Variants in ARHGAP32 observed in about 807,000 individuals in gnomAD.
The protein encoded by ARHGAP32 is Rho GTPase activating protein 32.
Under a neutral mutation model 186.5 loss-of-function variants are expected in ARHGAP32, and 51 were observed. That is an observed-to-expected ratio of 0.27 (90% CI 0.22 to 0.35). The LOEUF is 0.35. Among genes scored for constraint, ARHGAP32 ranks in the 10% least tolerant of loss-of-function variants. The probability of loss-of-function intolerance (pLI) is 1.00; values close to 1 mark genes in which losing one functional copy is unlikely to be tolerated. For missense variants in ARHGAP32, 2,186 were observed against 2,623.5 expected (o/e 0.83, Z 3.64); for synonymous variants, 950 against 964.3 (o/e 0.99, Z 0.27).
At position 128,966,985 on chromosome 11, in the gene ARHGAP32, C is replaced by G. The variant is rs978401061; in HGVS notation, c.*1922G>C. 1 of 152,206 alleles carries G rather than the reference C, an allele frequency of 6.6e-6. No individual in the cohort carries two copies. The highest frequency in any genetic ancestry group is 1.5e-5 in the Non-Finnish European group (1 of 68,044). The allele number at this position is 152,206 out of a possible 1,614,324, so 9.4% of individuals were successfully genotyped here. On this transcript the variant is annotated 3_prime_UTR_variant, in exon 23 of 23. Transcript: ENST00000682385. ...GTTTCCTAGCACTTTGACTGTAAAA[C>G]AGTTGGTTCTGCACTTTTAATGTAG...
upstream of ARHGAP32, among the ~76,000 whole-genome samples, chr11:129,195,751 T>C (rs1300417609): frequency 2.0e-5 from 3 of 152,212 alleles, no homozygotes; most frequent in Non-Finnish European, 4.4e-5. Flanking sequence ...ATTCAAAACC[T>C]ACATGTGTTT....
intron 10 of ARHGAP32, among the ~76,000 whole-genome samples, chr11:129,052,778 T>A (rs560314654): frequency 3.9e-4 from 60 of 152,332 alleles, no homozygotes; most frequent in African/African-American, 1.4e-3. Flanking sequence ...ATACTGTGTA[T>A]TTTAAATACA....
Position 129,031,797 on chromosome 11 carries a change from C to T in ARHGAP32, c.1045+9131G>A, listed in dbSNP as rs371262028. On this transcript the variant is annotated intron_variant, in intron 11 of 22. Coordinates refer to ENST00000682385, the MANE Select transcript of ARHGAP32 (RefSeq NM_001378024.1). Reference sequence around the variant, plus strand: ...TTTCCAAAACCACCTTGGCCTGACCCGCTCCTTATCCTGTGCCCATAAAAA... The same window carrying T: ...TTTCCAAAACCACCTTGGCCTGACCTGCTCCTTATCCTGTGCCCATAAAAA... Among the ~76,000 whole-genome samples the T allele has an allele frequency of 2.8e-3, 421 of 152,254 alleles. 6 individuals are homozygous for T. In the South Asian group the frequency reaches 0.044, roughly 16 times the overall value.
At chr11:129,243,119 GT>G (rs1945042715) in intron 1 of ARHGAP32, among the ~76,000 whole-genome samples, 1 of 152,104 alleles carries the variant, frequency 6.6e-6, no homozygotes, top group Non-Finnish European at 1.5e-5. Flanking sequence ...GCAATTCAAA[GT>G]CAGTCAAAAA....
intron 10 of ARHGAP32, among the ~76,000 whole-genome samples, chr11:129,057,971 T>A (rs1370475423): frequency 1.3e-5 from 2 of 152,104 alleles, no homozygotes; most frequent in African/African-American, 4.8e-5. Flanking sequence ...AAACTAAACC[T>A]TCTGGTACCT....
chr11:129,055,135 T>C (rs1414172226), intron 10 of ARHGAP32, among the ~76,000 whole-genome samples: 1 of 152,200 alleles, frequency 6.6e-6, no homozygotes, highest in African/African-American at 2.4e-5. Flanking sequence ...TAAGAGTCAG[T>C]GGCAAAGGGA....
upstream of ARHGAP32, among the ~76,000 whole-genome samples, chr11:129,193,569 AATATAT>A (rs1167668157): frequency 1.0e-3 from 13 of 12,980 alleles, 1 homozygote; most frequent in African/African-American, 3.7e-3. Context: ...TATTATATAT[AATATAT>A]ATATATTATA....
chr11:129,204,457 G>A (rs1235032634), intron 1 of ARHGAP32, among the ~76,000 whole-genome samples: 2 of 152,174 alleles, frequency 1.3e-5, no homozygotes, highest in Non-Finnish European at 2.9e-5. Flanking sequence ...AAGTTTTCAT[G>A]CTTGAAAAGC....
At chr11:129,276,062 A>C (rs1403919650) in intron 1 of ARHGAP32, among the ~76,000 whole-genome samples, 5 of 152,264 alleles carry the variant, frequency 3.3e-5, no homozygotes, top group Admixed American at 3.3e-4. Flanking sequence ...AGATCGCTTC[A>C]GCCCAGAATT....
At chr11:129,020,005 G>A (rs889230925) in intron 11 of ARHGAP32, among the ~76,000 whole-genome samples, 1 of 151,946 alleles carries the variant, frequency 6.6e-6, no homozygotes, top group Non-Finnish European at 1.5e-5. Context: ...AAAATGAGAA[G>A]TTTAACCAGA....
chr11:129,190,785 T>G (rs1199850704), intron 1 of ARHGAP32, among the ~76,000 whole-genome samples: 1 of 152,220 alleles, frequency 6.6e-6, no homozygotes, highest in Non-Finnish European at 1.5e-5. Flanking sequence ...TCCTACTCAT[T>G]GTTAGCAAGA....
intron 1 of ARHGAP32, among the ~76,000 whole-genome samples, chr11:129,262,085 G>A (rs1484903984): frequency 5.3e-5 from 8 of 152,074 alleles, no homozygotes; most frequent in East Asian, 1.9e-4. Context: ...AAATGTTCAC[G>A]AACAATATTT....
At chr11:128,998,029 TC>T (rs1436775612) in intron 12 of ARHGAP32, among the ~76,000 whole-genome samples, 1 of 152,196 alleles carries the variant, frequency 6.6e-6, no homozygotes, top group Non-Finnish European at 1.5e-5. Flanking sequence ...GAAGAAGCTA[TC>T]TAGGGAGAAA....
intron 1 of ARHGAP32, among the ~76,000 whole-genome samples, chr11:129,224,779 A>AC (rs1449987009): frequency 1.3e-5 from 2 of 150,390 alleles, no homozygotes; most frequent in African/African-American, 4.9e-5. Context: ...AAAAAAAAAA[A>AC]AAAAAAAAAA....
chr11:129,043,547 C>T (rs1234319459), intron 10 of ARHGAP32, among the ~76,000 whole-genome samples: 5 of 151,736 alleles, frequency 3.3e-5, no homozygotes, highest in East Asian at 3.9e-4. Flanking sequence ...CCACCATGCC[C>T]GGCTAATTTT....
chr11:129,064,163 G>GCATA, intron 8 of ARHGAP32, 139 bp from the exon 9 acceptor site: 1 of 707,694 alleles, frequency 1.4e-6, no homozygotes, highest in Non-Finnish European at 2.2e-6. Context: ...CCATTTACTG[G>GCATA]GTAGTAAAAA....
upstream of ARHGAP32, among the ~76,000 whole-genome samples, chr11:129,193,554 A>AT (rs1373427077): frequency 7.7e-3 from 96 of 12,478 alleles, 4 homozygotes; most frequent in African/African-American, 0.016. Flanking sequence ...TATATAATAT[A>AT]TATATATTAT....
chr11:129,147,524 A>T (rs1943191059), intron 2 of ARHGAP32, among the ~76,000 whole-genome samples: 1 of 152,170 alleles, frequency 6.6e-6, no homozygotes, highest in African/African-American at 2.4e-5. Context: ...CCATAGGCGT[A>T]TGGGATTTTG....
At chr11:128,980,396 G>T in intron 18 of ARHGAP32, 157 bp downstream of exon 18, 1 of 506,766 alleles carries the variant, frequency 2.0e-6, no homozygotes, top group Admixed American at 3.7e-5. Flanking sequence ...CCATGAAGCG[G>T]TAAGTATCAT....
Sources: allele counts gnomAD v4.1 joint callset (sites outside exome capture counted in the v4.1 genomes callset), GRCh38; gene constraint gnomAD v4.1.1; transcripts MANE v1.5; gene names NCBI Gene and HGNC (gene_info 2026-07-23, HGNC 2026-07-21).